The following OSBPL10 variants were observed in gnomAD, a reference collection of about 807,000 sequenced individuals.
The protein encoded by OSBPL10 is oxysterol-binding protein-related protein 10.
A neutral mutation model predicts 81.7 loss-of-function variants in OSBPL10; 49 were observed. The ratio of observed to expected loss-of-function variants is 0.60; its 90% CI spans 0.48 to 0.76. OSBPL10 has a LOEUF of 0.76. Ranked by LOEUF, OSBPL10 falls within the 30% of genes least tolerant of loss-of-function variation. The probability of loss-of-function intolerance (pLI) is 0.00; values close to 1 mark genes in which losing one functional copy is unlikely to be tolerated. For missense variants in OSBPL10, 923 were observed against 987.8 expected, an observed-to-expected ratio of 0.93 and a Z score of 0.88; for synonymous variants, 419 against 383.6, an observed-to-expected ratio of 1.09 and a Z score of -1.08.
At chr3:31,843,172 G>A (rs575112210) in intron 3 of OSBPL10, among the ~76,000 whole-genome samples, 16 of 152,318 alleles carry the variant, frequency 1.1e-4, no homozygotes, top group Non-Finnish European at 8.8e-5. Flanking sequence ...TGTTTGGAAA[G>A]TCCACAGCAA....
At chr3:31,961,884 T>C (rs898775291) in intron 1 of OSBPL10, among the ~76,000 whole-genome samples, 1 of 151,540 alleles carries the variant, frequency 6.6e-6, no homozygotes, top group Non-Finnish European at 1.5e-5. Context: ...TTCTCTAATT[T>C]TGGCATCACC....
chr3:31,898,006 C>CAAAAAAAAAAAAA (rs58479197), intron 1 of OSBPL10, among the ~76,000 whole-genome samples: 3 of 62,478 alleles, frequency 4.8e-5, no homozygotes, highest in Non-Finnish European at 9.5e-5. Flanking sequence ...AGAACTCTGT[C>CAAAAAAAAAAAAA]AAAAAAAAAA....
intron 7 of OSBPL10, among the ~76,000 whole-genome samples, chr3:31,693,430 C>A (rs1348146425): frequency 6.6e-6 from 1 of 152,200 alleles, no homozygotes; most frequent in Non-Finnish European, 1.5e-5. Flanking sequence ...CGTGGCCAAC[C>A]ACAGACTATT....
chr3:32,024,493 T>TC (rs2125547439), intron 2 of OSBPL10, among the ~76,000 whole-genome samples: 1 of 148,032 alleles, frequency 6.8e-6, no homozygotes, highest in Non-Finnish European at 1.5e-5. Context: ...GGAATTTTTT[T>TC]TTTTTTTTTT....
At chr3:31,718,981 T>G (rs982435779) in intron 6 of OSBPL10, 5 of 152,052 alleles carry the variant, frequency 3.3e-5, no homozygotes, top group African/African-American at 1.2e-4. Context: ...ACTGCTAGAG[T>G]CTTGCTAGAT....
At chr3:32,042,597 A>G (rs1277794328) in intron 2 of OSBPL10, among the ~76,000 whole-genome samples, 1 of 152,040 alleles carries the variant, frequency 6.6e-6, no homozygotes, top group East Asian at 1.9e-4. Flanking sequence ...TCTATTTTCC[A>G]TAAGTGTTGG....
chr3:31,872,131 G>A (rs995289432), intron 3 of OSBPL10, among the ~76,000 whole-genome samples: 2 of 152,156 alleles, frequency 1.3e-5, no homozygotes, highest in East Asian at 1.9e-4. Context: ...TCCACCTCAA[G>A]TAACACCGGA....
intron 9 of OSBPL10, among the ~76,000 whole-genome samples, chr3:31,669,727 G>A (rs151193733): frequency 3.9e-5 from 6 of 152,322 alleles, no homozygotes; most frequent in African/African-American, 1.4e-4. Context: ...CACAGTTGAA[G>A]GAACACCACA....
chr3:31,914,589 T>C (rs906544983), intron 1 of OSBPL10, among the ~76,000 whole-genome samples: 1 of 152,296 alleles, frequency 6.6e-6, no homozygotes, highest in South Asian at 2.1e-4. Context: ...TTTCCCAGTA[T>C]ATGGAATTAT....
intron 8 of OSBPL10, among the ~76,000 whole-genome samples, chr3:31,679,963 T>C (rs1318972146): frequency 1.3e-5 from 2 of 152,186 alleles, no homozygotes; most frequent in Non-Finnish European, 1.5e-5. Flanking sequence ...CCGAGTATTC[T>C]AACCGGAGCT....
chr3:31,829,301 A>G (rs1036985906), intron 4 of OSBPL10, among the ~76,000 whole-genome samples: 11 of 152,222 alleles, frequency 7.2e-5, no homozygotes, highest in Admixed American at 3.3e-4. Flanking sequence ...TCTGTTCTCT[A>G]TAACAGCTGC....
At chr3:31,785,812 C>A (rs1698847871) in intron 4 of OSBPL10, among the ~76,000 whole-genome samples, 1 of 152,090 alleles carries the variant, frequency 6.6e-6, no homozygotes, top group Non-Finnish European at 1.5e-5. Flanking sequence ...AAAGTCCTAG[C>A]CTTCCCTTAA....
chr3:31,924,657 A>C (rs1314391822), intron 1 of OSBPL10, among the ~76,000 whole-genome samples: 1 of 152,190 alleles, frequency 6.6e-6, no homozygotes, highest in Non-Finnish European at 1.5e-5. Flanking sequence ...TATTGAATTC[A>C]GTTGGATGAG....
chr3:31,942,360 G>A (rs1159394345), intron 1 of OSBPL10, among the ~76,000 whole-genome samples: 2 of 145,264 alleles, frequency 1.4e-5, no homozygotes, highest in African/African-American at 4.9e-5. Flanking sequence ...TGGTCAACAT[G>A]GTGAAACCCT....
chr3:31,703,297 T>C (rs971639027), intron 6 of OSBPL10, among the ~76,000 whole-genome samples: 3 of 152,344 alleles, frequency 2.0e-5, no homozygotes, highest in East Asian at 3.9e-4. Context: ...CAGAATTCTA[T>C]TGAAAGAAGT....
intron 2 of OSBPL10, among the ~76,000 whole-genome samples, chr3:32,005,117 T>G (rs1421724570): frequency 6.6e-6 from 1 of 152,160 alleles, no homozygotes; most frequent in African/African-American, 2.4e-5. Context: ...CGTTCAGGTT[T>G]GTTACATAGG....
chr3:31,815,968 A>G (rs888070510), intron 4 of OSBPL10, among the ~76,000 whole-genome samples: 1 of 152,226 alleles, frequency 6.6e-6, no homozygotes, highest in Non-Finnish European at 1.5e-5. Flanking sequence ...ATAAAAAATA[A>G]CTTGCCACTT....
intron 4 of OSBPL10, among the ~76,000 whole-genome samples, chr3:31,759,600 T>C (rs1697974470): frequency 6.6e-6 from 1 of 152,072 alleles, no homozygotes; most frequent in Non-Finnish European, 1.5e-5. Flanking sequence ...TTAAACAACT[T>C]GAGGGCAGAA....
chr3:32,041,270 A>G (rs1699572759), intron 2 of OSBPL10, among the ~76,000 whole-genome samples: 1 of 152,230 alleles, frequency 6.6e-6, no homozygotes, highest in Non-Finnish European at 1.5e-5. Context: ...AAGGAAAAGT[A>G]GATTAACTCA....
Sources: gnomAD v4.1 joint callset for allele counts (sites outside exome capture counted in the v4.1 genomes callset) on GRCh38, gnomAD v4.1.1 for gene constraint, MANE v1.5 for transcripts, NCBI Gene and HGNC (gene_info 2026-07-23, HGNC 2026-07-21) for gene names.